The following HPS1 variants were observed in gnomAD, a reference collection of about 807,000 sequenced individuals.
HPS1 encodes BLOC-3 complex member HPS1.
A neutral mutation model predicts 90.6 loss-of-function variants in HPS1; 59 were observed. The observed-to-expected ratio is 0.65, with a 90% confidence interval of 0.53 to 0.81. The LOEUF is 0.81. HPS1 is among the 30% of genes least tolerant of loss of function. The pLI, the probability that HPS1 is intolerant of heterozygous loss-of-function variation, is 0.00. For missense variants in HPS1, 849 were observed against 896.7 expected (o/e 0.95, Z 0.68); for synonymous variants, 388 against 384.4 (o/e 1.01, Z -0.11).
Position 98,425,813 on chromosome 10 carries a change from C to T in HPS1, c.1155+5G>A. On this transcript the variant is annotated splice_donor_5th_base_variant and intron_variant, in intron 12 of 19. Coordinates refer to ENST00000361490, the MANE Select transcript of HPS1 (RefSeq NM_000195.5). The stretch of plus-strand genomic sequence containing the variant: ...TCATCAGGGCAGGGTGAGGGGCTCT[C>T]CTACCCTGGTCAGGAGCACCAGGTT... 2 of 1,613,334 alleles carry T rather than the reference C, an allele frequency of 1.2e-6. No individual in the cohort carries two copies.
At chr10:98,443,802 G>T (rs770580243) in intron 2 of HPS1, among the ~76,000 whole-genome samples, 5 of 152,196 alleles carry the variant, frequency 3.3e-5, no homozygotes, top group Non-Finnish European at 7.3e-5. Flanking sequence ...GGAGGCCAAG[G>T]GGGGTGGATC....
At chr10:98,415,849 T>TTC (rs1844037925), downstream of HPS1, among the ~76,000 whole-genome samples, 1 of 152,242 alleles carries the variant, frequency 6.6e-6, no homozygotes, top group Non-Finnish European at 1.5e-5. Flanking sequence ...GCCTGGCCAG[T>TTC]TCTCCTCTTT....
chr10:98,428,112 G>T (rs1845854625), intron 10 of HPS1, among the ~76,000 whole-genome samples: 1 of 152,160 alleles, frequency 6.6e-6, no homozygotes, highest in South Asian at 2.1e-4. Context: ...CAGGTCTCAG[G>T]CTCATCAAGA....
downstream of HPS1, chr10:98,414,981 T>C: frequency 6.2e-7 from 1 of 1,606,138 alleles, no homozygotes; most frequent in Non-Finnish European, 8.5e-7. Context: ...GCCCCTCAGC[T>C]CTGGCCCGGC....
intron 3 of HPS1, among the ~76,000 whole-genome samples, chr10:98,437,461 G>A (rs750988195): frequency 1.8e-4 from 27 of 152,202 alleles, no homozygotes; most frequent in Non-Finnish European, 3.4e-4. Flanking sequence ...AACAGACCAC[G>A]CATGATAGTG....
intron 17 of HPS1, among the ~76,000 whole-genome samples, chr10:98,421,723 G>A (rs1378161096): frequency 6.6e-6 from 1 of 152,196 alleles, no homozygotes; most frequent in Non-Finnish European, 1.5e-5. Flanking sequence ...TACGTGCTAT[G>A]CTAAATATTT....
intron 16 of HPS1, among the ~76,000 whole-genome samples, chr10:98,423,208 T>G (rs1845119607): frequency 1.3e-5 from 2 of 152,226 alleles, no homozygotes; most frequent in Admixed American, 1.3e-4. Flanking sequence ...TTCTAGAGCT[T>G]TTACATGCCA....
chr10:98,438,660 G>A (rs182744836), intron 3 of HPS1, among the ~76,000 whole-genome samples: 3 of 152,302 alleles, frequency 2.0e-5, no homozygotes, highest in African/African-American at 7.2e-5. Flanking sequence ...TAAAAGGGAA[G>A]CAGAACATAA....
At chr10:98,431,799 G>A (rs930832569) in intron 6 of HPS1, among the ~76,000 whole-genome samples, 2 of 152,134 alleles carry the variant, frequency 1.3e-5, no homozygotes, top group Non-Finnish European at 2.9e-5. Context: ...TAATTTAAAT[G>A]TTTCCAGTGA....
intron 14 of HPS1, 26 bp from the exon 15 acceptor site, chr10:98,423,913 C>T (rs759679985): frequency 3.7e-6 from 6 of 1,612,260 alleles, no homozygotes; most frequent in South Asian, 1.1e-5. Flanking sequence ...GAGGGCATTA[C>T]AGCAGAAGGG....
chr10:98,436,320 T>C (rs1847316870), intron 3 of HPS1, among the ~76,000 whole-genome samples: 1 of 152,184 alleles, frequency 6.6e-6, no homozygotes, highest in African/African-American at 2.4e-5. Flanking sequence ...ACTTAAAATA[T>C]TAGAGTGTTT....
Position 98,422,463 on chromosome 10 carries a change from G to T in HPS1, c.1649C>A (p.Thr550Asn). 6.2e-7 allele frequency: 1 copy of T among 1,614,172 alleles called. No individual in the cohort carries two copies. The highest frequency in any genetic ancestry group is 1.7e-5 in the Admixed American group (1 of 60,032). Residue 550 changes from threonine (T) to asparagine (N), a missense_variant, in exon 17 of 20, where the codon ACC becomes AAC. Physicochemically the swap from Thr to Asn is moderately conservative, Grantham distance 65 (BLOSUM62 0). Transcript: ENST00000361490. ...GLVHFIYVDRTTGQMVAPSLN... is the reference protein window; with the variant it reads ...GLVHFIYVDRNTGQMVAPSLN... Reference sequence around the variant, plus strand: ...GGAAGGCGCCACCATCTGCCCAGTGGTGCGGTCCACATAGATGAAGTGCAC... The same window carrying T: ...GGAAGGCGCCACCATCTGCCCAGTGTTGCGGTCCACATAGATGAAGTGCAC...
At chr10:98,429,504 A>C (rs1465604970) in intron 10 of HPS1, 69 bp downstream of exon 10, 31 of 1,612,412 alleles carry the variant, frequency 1.9e-5, no homozygotes, top group Non-Finnish European at 2.6e-5. Context: ...GGAGCCTAAG[A>C]CAGATGTCCT....
intron 18 of HPS1, 98 bp from the exon 19 acceptor site, chr10:98,418,355 C>A: frequency 1.7e-6 from 1 of 597,992 alleles, no homozygotes; most frequent in Admixed American, 2.8e-5. Context: ...CTGTCATGTG[C>A]GCTGGGTGCT....
chr10:98,441,039 G>A (rs1307251674), intron 3 of HPS1, among the ~76,000 whole-genome samples: 1 of 152,120 alleles, frequency 6.6e-6, no homozygotes, highest in Non-Finnish European at 1.5e-5. Context: ...ATGAGAACAC[G>A]AGTGATGTTG....
At chr10:98,418,112 G>C (rs1352645658) in intron 19 of HPS1, 63 bp downstream of exon 19, 2 of 1,091,082 alleles carry the variant, frequency 1.8e-6, no homozygotes, top group African/African-American at 3.1e-5. Context: ...GCTCCCGGCA[G>C]AGGCGAGCAC....
At chr10:98,433,207 G>C (rs1456607406) in intron 6 of HPS1, among the ~76,000 whole-genome samples, 2 of 150,434 alleles carry the variant, frequency 1.3e-5, no homozygotes, top group Admixed American at 1.3e-4. Flanking sequence ...ACTCCAGCCT[G>C]GGCAACAGAG....
chr10:98,431,933 T>C (rs1846535093), intron 6 of HPS1, among the ~76,000 whole-genome samples: 1 of 152,276 alleles, frequency 6.6e-6, no homozygotes, highest in Admixed American at 6.5e-5. Context: ...ATGTTTTACA[T>C]TCTTTTTTGT....
At chr10:98,442,519 CTTT>C (rs537350480) in intron 3 of HPS1, 52 of 142,912 alleles carry the variant, frequency 3.6e-4, no homozygotes, top group South Asian at 8.6e-4. Context: ...TTACGTTAAA[CTTT>C]TTTTTTTTTT....
Sources: gnomAD v4.1 joint callset for allele counts (sites outside exome capture counted in the v4.1 genomes callset) on GRCh38, gnomAD v4.1.1 for gene constraint, MANE v1.5 for transcripts, NCBI Gene and HGNC (gene_info 2026-07-23, HGNC 2026-07-21) for gene names.